Variants in ULK4 observed in about 807,000 individuals in gnomAD.
The protein encoded by ULK4 is unc-51 like kinase 4.
A neutral mutation model predicts 160.6 loss-of-function variants in ULK4; 133 were observed. That is an observed-to-expected ratio of 0.83 (90% CI 0.72 to 0.96). The LOEUF (loss-of-function observed/expected upper bound fraction) is 0.96, where lower values mean the gene tolerates loss of function less well. Ranked by LOEUF, ULK4 falls within the 40% of genes least tolerant of loss-of-function variation. The pLI is 0.00. For synonymous variants in ULK4, 534 were observed against 539.8 expected (o/e 0.99, Z 0.15); for missense variants, 1,580 against 1,499.5 (o/e 1.05, Z -0.89).
chr3:41,824,636 C>T (rs143271155), intron 18 of ULK4, among the ~76,000 whole-genome samples: 2 of 151,994 alleles, frequency 1.3e-5, no homozygotes, highest in Admixed American at 6.6e-5. Flanking sequence ...CTACCATTGC[C>T]GAGGCTTGAG....
intron 32 of ULK4, among the ~76,000 whole-genome samples, chr3:41,540,207 CT>C: frequency 6.6e-6 from 1 of 152,190 alleles, no homozygotes; most frequent in African/African-American, 2.4e-5. Flanking sequence ...TCTCCCTCCC[CT>C]ATTCCCCATC....
At chr3:41,667,364 G>C (rs1362473215) in intron 29 of ULK4, among the ~76,000 whole-genome samples, 3 of 152,138 alleles carry the variant, frequency 2.0e-5, no homozygotes, top group Admixed American at 2.0e-4. Flanking sequence ...AATTCATAAT[G>C]GGCATGTTTA....
At chr3:41,714,852 T>TAAA (rs60470015) in intron 25 of ULK4, among the ~76,000 whole-genome samples, 4 of 131,354 alleles carry the variant, frequency 3.0e-5, no homozygotes, top group Non-Finnish European at 4.6e-5. Flanking sequence ...ACTCTGTCTT[T>TAAA]AAAAAAAAAA....
At chr3:41,789,576 C>T in intron 21 of ULK4, 85 bp downstream of exon 21, 1 of 1,319,402 alleles carries the variant, frequency 7.6e-7, no homozygotes, top group Non-Finnish European at 1.0e-6. Flanking sequence ...ATGAATTCTA[C>T]AAACATGACA....
intron 6 of ULK4, among the ~76,000 whole-genome samples, chr3:41,918,814 G>A (rs1204764825): frequency 4.6e-5 from 7 of 151,938 alleles, no homozygotes; most frequent in Admixed American, 4.6e-4. Context: ...TGTTAGCCAG[G>A]ATGGTCTCAA....
chr3:41,459,943 G>A (rs1692106338), intron 33 of ULK4, among the ~76,000 whole-genome samples: 1 of 152,152 alleles, frequency 6.6e-6, no homozygotes, highest in African/African-American at 2.4e-5. Context: ...TTCAAAGGAA[G>A]GGAGAAACTA....
chr3:41,452,323 G>C (rs2083441819), intron 34 of ULK4, among the ~76,000 whole-genome samples: 1 of 152,136 alleles, frequency 6.6e-6, no homozygotes, highest in South Asian at 2.1e-4. Flanking sequence ...CAGTATTTGG[G>C]TTGTTAGATT....
chr3:41,378,453 TA>T (rs1005356489), intron 35 of ULK4, among the ~76,000 whole-genome samples: 27 of 151,664 alleles, frequency 1.8e-4, no homozygotes, highest in Non-Finnish European at 2.9e-4. Flanking sequence ...TATGCAGCCA[TA>T]AAAAAGGATG....
chr3:41,822,722 ATTT>A (rs1199516780), intron 18 of ULK4, among the ~76,000 whole-genome samples: 11 of 109,454 alleles, frequency 1.0e-4, no homozygotes, highest in Admixed American at 3.0e-4. Context: ...CCGGGCTGAG[ATTT>A]TTTTTTTTTT....
intron 34 of ULK4, among the ~76,000 whole-genome samples, chr3:41,454,768 C>CTGCAA (rs2083504171): frequency 3.9e-5 from 6 of 152,158 alleles, no homozygotes; most frequent in Middle Eastern, 3.4e-3. Flanking sequence ...TCTTGGTTCA[C>CTGCAA]TGCAACCTCT....
intron 32 of ULK4, among the ~76,000 whole-genome samples, chr3:41,551,407 A>T (rs1007660325): frequency 1.9e-5 from 2 of 106,264 alleles, no homozygotes; most frequent in African/African-American, 3.3e-5. Flanking sequence ...AAAAGGAAGA[A>T]GATCCAAATA....
chr3:41,928,535 T>A (rs28830792), intron 5 of ULK4, among the ~76,000 whole-genome samples: 7,027 of 32,020 alleles, frequency 0.22, 336 homozygotes, highest in South Asian at 0.3. Context: ...GAAAAACCCT[T>A]CAAAAAAAAA....
At chr3:41,629,470 C>T (rs1170000113) in intron 30 of ULK4, among the ~76,000 whole-genome samples, 1 of 152,140 alleles carries the variant, frequency 6.6e-6, no homozygotes, top group Non-Finnish European at 1.5e-5. Flanking sequence ...GCTTTTCTAA[C>T]CTAGCTTTGG....
chr3:41,755,360 G>A (rs930279638), intron 21 of ULK4, among the ~76,000 whole-genome samples: 3 of 152,034 alleles, frequency 2.0e-5, no homozygotes, highest in African/African-American at 7.2e-5. Flanking sequence ...ACATAGTCAT[G>A]TATATGCCAT....
chr3:41,668,661 A>C (rs1416850164), intron 29 of ULK4, among the ~76,000 whole-genome samples: 1 of 152,218 alleles, frequency 6.6e-6, no homozygotes, highest in Non-Finnish European at 1.5e-5. Context: ...CTATAAATCA[A>C]AAGAAAAGAA....
intron 32 of ULK4, among the ~76,000 whole-genome samples, chr3:41,500,144 T>A (rs1697256936): frequency 6.6e-6 from 1 of 152,058 alleles, no homozygotes; most frequent in African/African-American, 2.4e-5. Context: ...GCTTTGTGGA[T>A]CTTCCCAACT....
chr3:41,609,315 T>G (rs545658404), intron 31 of ULK4, among the ~76,000 whole-genome samples: 2 of 152,318 alleles, frequency 1.3e-5, no homozygotes, highest in African/African-American at 4.8e-5. Flanking sequence ...AGAATAAAGT[T>G]ATTGTTCAGT....
chr3:41,506,768 ATATATATATATAT>A (rs2085397451), intron 32 of ULK4, among the ~76,000 whole-genome samples: 1 of 66,758 alleles, frequency 1.5e-5, no homozygotes, highest in African/African-American at 8.6e-5. Context: ...GTGATTTAAA[ATATATATATATAT>A]ATATATATAT....
chr3:41,928,575 A>T (rs1575966799), intron 5 of ULK4, among the ~76,000 whole-genome samples: 1 of 129,844 alleles, frequency 7.7e-6, no homozygotes, highest in Admixed American at 7.9e-5. Flanking sequence ...GTTTTTTTTT[A>T]AATGATCAAC....
Sources: allele counts gnomAD v4.1 joint callset (sites outside exome capture counted in the v4.1 genomes callset), GRCh38; gene constraint gnomAD v4.1.1; transcripts MANE v1.5; gene names NCBI Gene and HGNC (gene_info 2026-07-23, HGNC 2026-07-21).